RBFOX1: variants seen among roughly 807,000 people sequenced by gnomAD.
The protein encoded by RBFOX1 is RNA binding protein fox-1 homolog 1.
Under a neutral mutation model 57.7 loss-of-function variants are expected in RBFOX1, and 8 were observed. The observed-to-expected ratio is 0.14, with a 90% CI of 0.08 to 0.25. The LOEUF (loss-of-function observed/expected upper bound fraction) is 0.25. RBFOX1 is among the 10% of genes least tolerant of loss of function. RBFOX1 has a pLI of 1.00. For missense variants in RBFOX1, 611 were observed against 548.5 expected, an observed-to-expected ratio of 1.11 and a Z score of -1.14; for synonymous variants, 326 against 222.4, an observed-to-expected ratio of 1.47 and a Z score of -4.15.
intron 3 of RBFOX1, among the ~76,000 whole-genome samples, chr16:6,709,386 T>G (rs1295862601): frequency 6.6e-6 from 1 of 152,206 alleles, no homozygotes; most frequent in Non-Finnish European, 1.5e-5. Flanking sequence ...GCATCACTTG[T>G]TATTCTGTGG....
chr16:6,542,409 G>C (rs1014367241), intron 2 of RBFOX1, among the ~76,000 whole-genome samples: 1 of 149,336 alleles, frequency 6.7e-6, no homozygotes, highest in African/African-American at 2.5e-5. Context: ...TTTCCTCTGA[G>C]CTCAACAACT....
intron 3 of RBFOX1, among the ~76,000 whole-genome samples, chr16:6,660,180 C>G (rs145644338): frequency 1.3e-5 from 2 of 150,568 alleles, no homozygotes; most frequent in Non-Finnish European, 2.9e-5. Flanking sequence ...GCTGAGATCT[C>G]GCCATTGCCC....
intron 1 of RBFOX1, among the ~76,000 whole-genome samples, chr16:5,253,478 A>G (rs908896049): frequency 1.3e-5 from 2 of 152,136 alleles, no homozygotes; most frequent in African/African-American, 4.8e-5. Context: ...CTGGATACTT[A>G]TCATGACTTC....
intron 4 of RBFOX1, among the ~76,000 whole-genome samples, chr16:7,359,577 G>A (rs551705539): frequency 2.8e-4 from 42 of 152,306 alleles, no homozygotes; most frequent in South Asian, 2.5e-3. Context: ...CCTTGTGTCC[G>A]GATTTGGGGC....
chr16:7,702,769 G>C (rs577580281), intron 14 of RBFOX1, among the ~76,000 whole-genome samples: 2 of 152,276 alleles, frequency 1.3e-5, no homozygotes, highest in South Asian at 2.1e-4. Flanking sequence ...AGTTCCTCCG[G>C]ATGGGCAAAA....
At chr16:6,975,571 G>A (rs2086648701) in intron 3 of RBFOX1, among the ~76,000 whole-genome samples, 2 of 152,134 alleles carry the variant, frequency 1.3e-5, no homozygotes, top group Non-Finnish European at 1.5e-5. Flanking sequence ...CTGGCCGCAA[G>A]TGCCCATATG....
chr16:6,040,967 C>A (rs1024603997), intron 1 of RBFOX1, among the ~76,000 whole-genome samples: 1 of 152,066 alleles, frequency 6.6e-6, no homozygotes, highest in African/African-American at 2.4e-5. Flanking sequence ...TTTTGATGGG[C>A]CCTTGTTGGG....
chr16:6,771,343 G>C lies in RBFOX1; in HGVS notation c.-16+116693G>C, dbSNP rs992699033. On this transcript the variant is annotated intron_variant, in intron 3 of 15. Transcript: ENST00000550418. ...ACACACTTCTGCTCAAGTCTATGTT[G>C]GTATCTTCTTAGATATGATGCAGAT... is the stretch of plus-strand genomic sequence containing the variant. 5.3e-5 allele frequency among the ~76,000 whole-genome samples: 8 copies of C among 152,220 alleles called. No individual in the cohort carries two copies. In the East Asian group the frequency reaches 1.4e-3, roughly 26 times the overall value.
At chr16:6,163,903 G>A (rs900688783) in intron 1 of RBFOX1, among the ~76,000 whole-genome samples, 2 of 152,066 alleles carry the variant, frequency 1.3e-5, no homozygotes, top group African/African-American at 2.4e-5. Context: ...TTGCCTCTGT[G>A]TTTTCTTATT....
chr16:5,403,374 A>C (rs1227251513), intron 1 of RBFOX1, among the ~76,000 whole-genome samples: 2 of 151,134 alleles, frequency 1.3e-5, no homozygotes, highest in African/African-American at 2.4e-5. Context: ...AAAACAAAAA[A>C]CAAACAAACA....
At chr16:5,417,722 T>C (rs1211532934) in intron 1 of RBFOX1, among the ~76,000 whole-genome samples, 2 of 152,172 alleles carry the variant, frequency 1.3e-5, no homozygotes, top group East Asian at 3.9e-4. Flanking sequence ...AATAAATGTA[T>C]GTTGAATGAA....
intron 4 of RBFOX1, among the ~76,000 whole-genome samples, chr16:7,355,813 G>A (rs1461450857): frequency 1.3e-5 from 2 of 152,198 alleles, no homozygotes; most frequent in Non-Finnish European, 2.9e-5. Context: ...TTGCCAATCT[G>A]TTGGGTGATA....
intron 1 of RBFOX1, among the ~76,000 whole-genome samples, chr16:6,300,320 G>A (rs1009616784): frequency 1.3e-5 from 2 of 152,112 alleles, no homozygotes; most frequent in Non-Finnish European, 2.9e-5. Context: ...AAAAGAGTAC[G>A]TTTTAAGTGT....
Position 5,769,702 on chromosome 16 carries a change from G to A in RBFOX1, c.319-97601G>A, listed in dbSNP as rs111373383. ...CAAACAAATACAGGAGGAAGATCAC[G>A]TGATGACATGGGGAGAAGAGGAGTC... On this transcript the variant is annotated intron_variant, in intron 3 of 19. Transcript: ENST00000641259. Among the ~76,000 whole-genome samples, 444 of 152,184 alleles carry A rather than the reference G, an allele frequency of 2.9e-3. 4 individuals are homozygous for A. The highest frequency in any genetic ancestry group is 1.0e-2 in the African/African-American group (414 of 41,534).
intron 3 of RBFOX1, among the ~76,000 whole-genome samples, chr16:6,898,566 C>G (rs534610081): frequency 6.6e-6 from 1 of 152,098 alleles, no homozygotes; most frequent in African/African-American, 2.4e-5. Context: ...CTGTGTTACA[C>G]GGTACATAAA....
chr16:6,866,293 A>T (rs2059898427), intron 3 of RBFOX1, among the ~76,000 whole-genome samples: 2 of 151,762 alleles, frequency 1.3e-5, no homozygotes, highest in Non-Finnish European at 2.9e-5. Flanking sequence ...AGGGTGGCTG[A>T]TGGGCTTTAA....
rs986591956 is a variant in RBFOX1, at chr16:7,711,720, A to C, written c.*975A>C. On this transcript the variant is annotated 3_prime_UTR_variant, in exon 16 of 16. Transcript: ENST00000550418. Reference sequence around the variant, plus strand: ...TGTTAAGTTCTAGAAACAGTCTATGAAGCTTTAGTTTTAGCCTAGTAGAAC... The same window carrying C: ...TGTTAAGTTCTAGAAACAGTCTATGCAGCTTTAGTTTTAGCCTAGTAGAAC... The C allele has an allele frequency of 2.0e-5, 3 of 152,662 alleles. No homozygotes were observed. Among genetic ancestry groups the C allele is most frequent in the African/African-American group, 7.2e-5 (3 of 41,468 alleles). 9.5% of individuals were successfully genotyped at this position (152,662 alleles called of 1,614,324 possible).
At chr16:6,114,379 G>A (rs1013916554) in intron 1 of RBFOX1, among the ~76,000 whole-genome samples, 2 of 152,212 alleles carry the variant, frequency 1.3e-5, no homozygotes, top group Non-Finnish European at 2.9e-5. Context: ...TTGTTGGACT[G>A]TCTTTGAAAT....
At chr16:6,211,040 A>G (rs977871435) in intron 1 of RBFOX1, among the ~76,000 whole-genome samples, 1 of 152,118 alleles carries the variant, frequency 6.6e-6, no homozygotes, top group Non-Finnish European at 1.5e-5. Context: ...ACTGAAGAAA[A>G]CACACATAGC....
Sources: allele counts gnomAD v4.1 joint callset (sites outside exome capture counted in the v4.1 genomes callset), GRCh38; gene constraint gnomAD v4.1.1; transcripts MANE v1.5; gene names NCBI Gene and HGNC (gene_info 2026-07-23, HGNC 2026-07-21).